STXBP6: variants seen among roughly 807,000 people sequenced by gnomAD.
STXBP6 encodes syntaxin binding protein 6, also known as syntaxin-binding protein 6.
Under a neutral mutation model 26.9 loss-of-function variants are expected in STXBP6, and 21 were observed. The observed-to-expected ratio is 0.78, with a 90% CI of 0.55 to 1.12. The LOEUF is 1.12. Ranked by LOEUF, STXBP6 falls within the 50% of genes most tolerant of loss-of-function variation. The pLI is 0.00. For synonymous variants in STXBP6, 97 were observed against 92.6 expected (o/e 1.05, Z -0.27); for missense variants, 232 against 257.9 (o/e 0.90, Z 0.69).
chr14:24,844,997 T>C (rs908174730), intron 4 of STXBP6, among the ~76,000 whole-genome samples: 4 of 151,676 alleles, frequency 2.6e-5, no homozygotes, highest in African/African-American at 9.7e-5. Context: ...TGATTTTCAA[T>C]ATCTCCATCA....
At chr14:24,893,456 G>C (rs1298186490) in intron 2 of STXBP6, among the ~76,000 whole-genome samples, 1 of 152,190 alleles carries the variant, frequency 6.6e-6, no homozygotes, top group East Asian at 1.9e-4. Context: ...TCTGGCTTCA[G>C]GGTCTGTGTT....
intron 2 of STXBP6, among the ~76,000 whole-genome samples, chr14:24,886,607 C>A (rs554241457): frequency 6.6e-6 from 1 of 152,194 alleles, no homozygotes; most frequent in East Asian, 1.9e-4. Context: ...TGTGGATTGC[C>A]AACAATTCTG....
intron 1 of STXBP6, among the ~76,000 whole-genome samples, chr14:25,013,151 T>C (rs2075067983): frequency 6.6e-6 from 1 of 152,224 alleles, no homozygotes; most frequent in Non-Finnish European, 1.5e-5. Context: ...TTTAAATTAA[T>C]GAATTCTTGA....
At chr14:24,959,635 C>A (rs946381855) in intron 2 of STXBP6, among the ~76,000 whole-genome samples, 2 of 152,134 alleles carry the variant, frequency 1.3e-5, no homozygotes, top group Non-Finnish European at 2.9e-5. Flanking sequence ...AAAATTCCTT[C>A]CCAAAAAGGG....
intron 4 of STXBP6, among the ~76,000 whole-genome samples, chr14:24,852,151 C>CT (rs1281895634): frequency 8.5e-5 from 13 of 152,130 alleles, no homozygotes; most frequent in Non-Finnish European, 1.8e-4. Context: ...CCTGACCTAT[C>CT]TCCTGACCTA....
At chr14:25,016,288 G>T (rs1029965477) in intron 1 of STXBP6, among the ~76,000 whole-genome samples, 1 of 151,918 alleles carries the variant, frequency 6.6e-6, no homozygotes, top group Non-Finnish European at 1.5e-5. Flanking sequence ...TTTAAAGATT[G>T]ACTCTATTTT....
chr14:24,963,536 T>A (rs1391392353), intron 2 of STXBP6, among the ~76,000 whole-genome samples: 2 of 152,108 alleles, frequency 1.3e-5, no homozygotes, highest in Non-Finnish European at 2.9e-5. Flanking sequence ...AGTATGAAAA[T>A]CCTCAGAGAG....
chr14:24,930,069 A>G (rs2072326235), intron 2 of STXBP6, among the ~76,000 whole-genome samples: 1 of 152,236 alleles, frequency 6.6e-6, no homozygotes, highest in South Asian at 2.1e-4. Context: ...ATTTTATTTC[A>G]TTAAATTTTG....
At chr14:24,969,267 T>C (rs576050179) in intron 2 of STXBP6, among the ~76,000 whole-genome samples, 1 of 152,350 alleles carries the variant, frequency 6.6e-6, no homozygotes, top group South Asian at 2.1e-4. Context: ...AGCTCCCACA[T>C]GCTCCTTCTC....
At chr14:25,016,900 T>C (rs1178852456) in intron 1 of STXBP6, among the ~76,000 whole-genome samples, 1 of 152,148 alleles carries the variant, frequency 6.6e-6, no homozygotes, top group African/African-American at 2.4e-5. Flanking sequence ...TTATAAGGCT[T>C]GCATTGAAGA....
intron 1 of STXBP6, among the ~76,000 whole-genome samples, chr14:25,001,794 G>A (rs1461110271): frequency 6.6e-6 from 1 of 152,188 alleles, no homozygotes; most frequent in Non-Finnish European, 1.5e-5. Flanking sequence ...TCTTGCACAT[G>A]GGACATGTTT....
chr14:25,010,521 C>T (rs1197141492), intron 1 of STXBP6: 1 of 152,188 alleles, frequency 6.6e-6, no homozygotes, highest in Non-Finnish European at 1.5e-5. Context: ...AGGCATTTAC[C>T]TACCTTTAAC....
intron 1 of STXBP6, among the ~76,000 whole-genome samples, chr14:25,001,689 G>T (rs1476938507): frequency 6.6e-6 from 1 of 152,072 alleles, no homozygotes; most frequent in Non-Finnish European, 1.5e-5. Flanking sequence ...TTCCTTGTCT[G>T]ATAATTCCAA....
chr14:24,954,192 G>A (rs1354472422), intron 2 of STXBP6, among the ~76,000 whole-genome samples: 2 of 152,276 alleles, frequency 1.3e-5, no homozygotes, highest in Middle Eastern at 3.4e-3. Context: ...TGGCTTCTAA[G>A]GGAGTTGAGT....
intron 2 of STXBP6, among the ~76,000 whole-genome samples, chr14:24,924,010 A>G (rs1269723827): frequency 2.0e-5 from 3 of 151,302 alleles, no homozygotes; most frequent in African/African-American, 7.3e-5. Flanking sequence ...ACCAATTCCC[A>G]CATATTTTTT....
chr14:24,915,165 A>G (rs796933492), intron 2 of STXBP6, among the ~76,000 whole-genome samples: 2 of 152,244 alleles, frequency 1.3e-5, no homozygotes, highest in African/African-American at 4.8e-5. Flanking sequence ...TCATGTAACA[A>G]CCTCAATCAG....
At chr14:24,983,008 C>T (rs1246174541) in intron 1 of STXBP6, among the ~76,000 whole-genome samples, 1 of 152,148 alleles carries the variant, frequency 6.6e-6, no homozygotes, top group Non-Finnish European at 1.5e-5. Context: ...AATAGGAACT[C>T]CACATTCACA....
chr14:24,826,949 C>T (rs1028321799), intron 4 of STXBP6, among the ~76,000 whole-genome samples: 1 of 152,196 alleles, frequency 6.6e-6, no homozygotes, highest in Non-Finnish European at 1.5e-5. Context: ...CCTGTAATCT[C>T]AGCACTTTGG....
At chr14:24,940,585 AT>A (rs1394407425) in intron 2 of STXBP6, among the ~76,000 whole-genome samples, 1 of 152,146 alleles carries the variant, frequency 6.6e-6, no homozygotes, top group Non-Finnish European at 1.5e-5. Context: ...CTATGGGTCT[AT>A]TTTTATGCTG....
Sources: gnomAD v4.1 joint callset for allele counts (sites outside exome capture counted in the v4.1 genomes callset) on GRCh38, gnomAD v4.1.1 for gene constraint, MANE v1.5 for transcripts, NCBI Gene and HGNC (gene_info 2026-07-23, HGNC 2026-07-21) for gene names.